ZNF454: variants seen among roughly 807,000 people sequenced by gnomAD.
ZNF454 encodes zinc finger protein 454.
ZNF454 carries 30 observed loss-of-function variants against 48.2 expected under a neutral mutation model. The ratio of observed to expected loss-of-function variants is 0.62; its 90% CI spans 0.47 to 0.84. The LOEUF is 0.84. Ranked by LOEUF, ZNF454 falls within the 40% of genes least tolerant of loss-of-function variation. The pLI, the probability that ZNF454 is intolerant of heterozygous loss-of-function variation, is 0.00. For synonymous variants in ZNF454, 204 were observed against 211.4 expected (o/e 0.97, Z 0.30); for missense variants, 510 against 623.1 (o/e 0.82, Z 1.93).
At chr5:178,959,125 G>A (rs895825635) in intron 4 of ZNF454, among the ~76,000 whole-genome samples, 3 of 151,416 alleles carry the variant, frequency 2.0e-5, no homozygotes, top group African/African-American at 4.9e-5. Flanking sequence ...GTAGTATTTT[G>A]TCTTAAATAC....
At chr5:178,959,772 AT>A (rs1759924405) in intron 4 of ZNF454, among the ~76,000 whole-genome samples, 1 of 151,370 alleles carries the variant, frequency 6.6e-6, no homozygotes, top group Non-Finnish European at 1.5e-5. Context: ...CGCCTGGCTA[AT>A]TTTTTGTATT....
chr5:178,955,881 T>C (rs1368228658), intron 4 of ZNF454, among the ~76,000 whole-genome samples: 2 of 152,182 alleles, frequency 1.3e-5, no homozygotes, highest in Non-Finnish European at 2.9e-5. Context: ...ATTGTAGCCA[T>C]GGCCTTCCCA....
At chr5:178,976,234 A>G in the ZNF454 span, 1 of 346,366 alleles carries the variant, frequency 2.9e-6, no homozygotes, top group South Asian at 2.3e-5. Flanking sequence ...CATTCTCTGT[A>G]CCCTGCTCTG....
rs1173086059 is a variant in ZNF454 at position 178,965,846 on chromosome 5, C to G, written c.1442C>G (p.Thr481Ser). 13 of 1,614,004 alleles carry G rather than the reference C, an allele frequency of 8.1e-6. No homozygotes were observed. Among genetic ancestry groups the G allele is most frequent in the Non-Finnish European group, 1.0e-5 (12 of 1,180,042 alleles). Residue 481 changes from threonine to serine, a missense_variant, in exon 5 of 5, where the codon ACT becomes AGT. This residue lies in a region of ZNF454 where 153 missense variants were observed against 195.8 expected (regional missense o/e 0.78). Transcript: ENST00000519564. This position sits in a 1 kb window ranked among gnomAD's most constrained non-coding sequence, Gnocchi z 5.2. ...KICEKAFIRS[T>S]HLTQHQRIHT... The stretch of plus-strand genomic sequence containing the variant: ...TGTGAGAAAGCCTTTATCCGAAGCA[C>G]TCACCTGACTCAACATCAGAGGATT...
Position 178,965,602 on chromosome 5 carries a change from G to T in ZNF454, c.1198G>T (p.Ala400Ser), listed in dbSNP as rs1395135334. 3.1e-6 allele frequency: 5 copies of T among 1,613,806 alleles called. No individual in the cohort carries two copies. Among genetic ancestry groups the T allele is most frequent in the Middle Eastern group, 1.7e-4 (1 of 6,056 alleles). ...AGCTTTCAGGGATAATTCATCCTTT[G>T]CACGACATCGGAAAATTCACACTGG... ...GKAFRDNSSF[A>S]RHRKIHTGEK... is the part of the protein sequence containing the mutation. The change falls in exon 5 of 5, where the codon GCA becomes TCA. Residue 400 changes from alanine (A) to serine (S), a missense_variant. Physicochemically the swap from Ala to Ser is moderately conservative, Grantham distance 99. Transcript: ENST00000519564. The surrounding 1 kb of genome is among the most constrained non-coding windows in gnomAD (Gnocchi z 5.2).
chr5:178,989,403 A>T, the ZNF454 span: 1 of 1,614,094 alleles, frequency 6.2e-7, no homozygotes, highest in Non-Finnish European at 8.5e-7. Flanking sequence ...TACTGGTCAA[A>T]TCCTACAGAC....
the ZNF454 span, chr5:178,986,060 C>T: frequency 1.5e-5 from 21 of 1,426,452 alleles, no homozygotes; most frequent in South Asian, 2.5e-4. Context: ...CTGTGCCTGG[C>T]CCTTTTGGCT....
In ZNF454 at chr5:178,944,311, G is replaced by T. The variant is rs374463911; in HGVS notation, c.33+1487G>T. On this transcript the variant is annotated intron_variant, in intron 2 of 4. Coordinates refer to ENST00000519564, the MANE Select transcript of ZNF454 (RefSeq NM_001178089.3). The surrounding 1 kb of genome is among the most constrained non-coding windows in gnomAD (Gnocchi z 4.1). ...ACCACTTTTTCTGCAAAACCTGTCC[G>T]CACCCACAGTGCCAGTCTACTGTGA... Among the ~76,000 whole-genome samples, 3 of 152,082 alleles carry T rather than the reference G, an allele frequency of 2.0e-5. No homozygotes were observed. The highest frequency in any genetic ancestry group is 1.3e-4 in the Admixed American group (2 of 15,258).
At chr5:178,984,626 A>G in the ZNF454 span, among the ~76,000 whole-genome samples, 1 of 151,980 alleles carries the variant, frequency 6.6e-6, no homozygotes, top group Non-Finnish European at 1.5e-5. Context: ...GAGCAGGAGC[A>G]CCTCAGGCCG....
At chr5:178,981,413 G>GGCC in the ZNF454 span, 1 of 543,864 alleles carries the variant, frequency 1.8e-6, no homozygotes, top group Non-Finnish European at 3.3e-6. This position sits in a 1 kb window ranked among gnomAD's most constrained non-coding sequence, Gnocchi z 5.1. Context: ...CCTTCTCGGT[G>GGCC]GCTGTTTCCC....
chr5:178,985,316 C>T, the ZNF454 span: 119 of 454,286 alleles, frequency 2.6e-4, no homozygotes, highest in East Asian at 9.2e-4. Flanking sequence ...CTGACTGCCC[C>T]GTTTTCCTTC....
At chr5:178,986,595 G>A in the ZNF454 span, 7 of 1,605,194 alleles carry the variant, frequency 4.4e-6, no homozygotes, top group Non-Finnish European at 5.9e-6. Context: ...CCTCGCATGT[G>A]AACTCGTCCA....
chr5:178,957,872 A>T (rs778975237), intron 4 of ZNF454, among the ~76,000 whole-genome samples: 6 of 152,202 alleles, frequency 3.9e-5, no homozygotes, highest in Non-Finnish European at 5.9e-5. Flanking sequence ...CTATTTGAAG[A>T]TGAGTGTTAT....
the ZNF454 span, chr5:178,989,349 A>G: frequency 6.2e-7 from 1 of 1,614,018 alleles, no homozygotes; most frequent in East Asian, 2.2e-5. Flanking sequence ...AACTCGGCGA[A>G]CCAGATGTTC....
intron 4 of ZNF454, among the ~76,000 whole-genome samples, chr5:178,960,379 T>C (rs1402245327): frequency 2.0e-5 from 3 of 151,634 alleles, no homozygotes; most frequent in African/African-American, 7.3e-5. Context: ...TGCCTCAGCC[T>C]CCGGAGTAGT....
the ZNF454 span, chr5:178,981,954 G>C: frequency 1.3e-3 from 1,127 of 863,594 alleles, 9 homozygotes; most frequent in African/African-American, 0.016. This position sits in a 1 kb window ranked among gnomAD's most constrained non-coding sequence, Gnocchi z 5.1. Context: ...GTCTGTTTCA[G>C]TTGGGGAACT....
chr5:178,962,419 T>A (rs1760035451), intron 4 of ZNF454, among the ~76,000 whole-genome samples: 1 of 151,766 alleles, frequency 6.6e-6, no homozygotes, highest in African/African-American at 2.4e-5. Context: ...TTTTAAATAA[T>A]GTTTAGTTTT....
At chr5:178,958,720 C>T (rs766224002) in intron 4 of ZNF454, among the ~76,000 whole-genome samples, 9 of 152,230 alleles carry the variant, frequency 5.9e-5, no homozygotes, top group Non-Finnish European at 1.3e-4. Context: ...TCCATATCAA[C>T]TCTTATACAC....
At chr5:178,986,041 C>T in the ZNF454 span, 587 of 1,223,564 alleles carry the variant, frequency 4.8e-4, 10 homozygotes, top group South Asian at 4.7e-3. Flanking sequence ...GGACTACAGG[C>T]GTGTGCCACT....
Sources: gnomAD v4.1 joint callset for allele counts (sites outside exome capture counted in the v4.1 genomes callset) on GRCh38, gnomAD v4.1.1 for gene constraint, gnomAD v4.1.1 regional missense constraint, Gnocchi (gnomAD v3.1) non-coding constraint, MANE v1.5 for transcripts, NCBI Gene and HGNC (gene_info 2026-07-23, HGNC 2026-07-21) for gene names.